TTC29: variants seen among roughly 807,000 people sequenced by gnomAD.
TTC29 encodes the protein tetratricopeptide repeat domain 29.
TTC29 carries 49 observed loss-of-function variants against 58.1 expected under a neutral mutation model. That is an observed-to-expected ratio of 0.84 (90% CI 0.67 to 1.07). TTC29 has a LOEUF of 1.07. TTC29 is among the 50% of genes least tolerant of loss of function. TTC29 has a pLI of 0.00. For synonymous variants in TTC29, 209 were observed against 196.8 expected (o/e 1.06, Z -0.52); for missense variants, 582 against 555.6 (o/e 1.05, Z -0.48).
chr4:146,820,019 A>T, intron 10 of TTC29, 106 bp downstream of exon 10: 2 of 1,459,782 alleles, frequency 1.4e-6, no homozygotes, highest in East Asian at 4.6e-5. Context: ...ATTCTGCATA[A>T]TATATTGTGG....
At chr4:146,906,392 T>C (rs1453133886) in intron 5 of TTC29, among the ~76,000 whole-genome samples, 1 of 152,176 alleles carries the variant, frequency 6.6e-6, no homozygotes, top group African/African-American at 2.4e-5. Flanking sequence ...ACTGTGACCC[T>C]AGAGTGATGG....
intron 9 of TTC29, among the ~76,000 whole-genome samples, chr4:146,826,726 C>T (rs1488566493): frequency 6.6e-6 from 1 of 152,036 alleles, no homozygotes; most frequent in Non-Finnish European, 1.5e-5. Context: ...TTCCATTCTC[C>T]CCCTCTCCTC....
intron 10 of TTC29, among the ~76,000 whole-genome samples, chr4:146,806,332 C>T (rs1235880942): frequency 6.6e-6 from 1 of 152,138 alleles, no homozygotes; most frequent in Non-Finnish European, 1.5e-5. Flanking sequence ...AACTGATGGG[C>T]AAAATAACCA....
At chr4:146,760,408 A>G (rs1387261048) in intron 11 of TTC29, among the ~76,000 whole-genome samples, 1 of 151,932 alleles carries the variant, frequency 6.6e-6, no homozygotes, top group Non-Finnish European at 1.5e-5. Context: ...AAAGACCACC[A>G]TCATTCTTCA....
intron 7 of TTC29, among the ~76,000 whole-genome samples, chr4:146,872,436 A>G (rs188293731): frequency 2.9e-4 from 44 of 152,226 alleles, no homozygotes; most frequent in Non-Finnish European, 1.5e-4. Context: ...GAATACCATC[A>G]GGAAGTGAAA....
intron 3 of TTC29, among the ~76,000 whole-genome samples, chr4:146,939,192 T>A (rs1231085267): frequency 6.6e-6 from 1 of 152,166 alleles, no homozygotes; most frequent in Non-Finnish European, 1.5e-5. Context: ...TGGCGGCTCA[T>A]CCCTACAATC....
intron 11 of TTC29, among the ~76,000 whole-genome samples, chr4:146,710,038 G>A (rs933484674): frequency 6.6e-6 from 1 of 152,084 alleles, no homozygotes; most frequent in Non-Finnish European, 1.5e-5. Context: ...TATCAGTAGA[G>A]AACTATTTAG....
At chr4:146,819,094 T>C (rs1751637083) in intron 10 of TTC29, among the ~76,000 whole-genome samples, 1 of 149,914 alleles carries the variant, frequency 6.7e-6, no homozygotes, top group Admixed American at 6.6e-5. Flanking sequence ...ACCCTAAAAC[T>C]TAAAGTATAA....
chr4:146,818,990 G>A (rs1751631491), intron 10 of TTC29, among the ~76,000 whole-genome samples: 2 of 151,824 alleles, frequency 1.3e-5, no homozygotes, highest in African/African-American at 2.4e-5. Context: ...GCTAAATGAC[G>A]AGTTACCTAA....
rs527454373 is a variant in TTC29, at chr4:146,872,589, G to A, written c.799+2127C>T. Among the ~76,000 whole-genome samples, 14 of 151,746 alleles carry A rather than the reference G, an allele frequency of 9.2e-5. No individual in the cohort carries two copies. In the South Asian group the frequency reaches 1.5e-3, roughly 16 times the overall value. On this transcript the variant is annotated intron_variant, in intron 7 of 12. Coordinates refer to ENST00000325106, the MANE Select transcript of TTC29 (RefSeq NM_031956.4). ...CTGGGCAAAGAATCTGAATAAAAAC[G>A]TCTGCCGAGAAGATATACAAATGGC... is the stretch of plus-strand genomic sequence containing the variant.
chr4:146,798,205 T>C (rs1749959694), intron 11 of TTC29, among the ~76,000 whole-genome samples: 1 of 151,890 alleles, frequency 6.6e-6, no homozygotes, highest in South Asian at 2.1e-4. Flanking sequence ...AAGTAAAGTA[T>C]ATGAAGAGGA....
At chr4:146,845,327 C>T (rs528678072) in intron 8 of TTC29, among the ~76,000 whole-genome samples, 1 of 152,096 alleles carries the variant, frequency 6.6e-6, no homozygotes, top group South Asian at 2.1e-4. Context: ...GAGAAATAGG[C>T]CAGTAGACAC....
chr4:146,902,034 C>T (rs1299039921), intron 6 of TTC29, among the ~76,000 whole-genome samples: 1 of 152,126 alleles, frequency 6.6e-6, no homozygotes, highest in Non-Finnish European at 1.5e-5. Context: ...TAGCTAATTC[C>T]CTTTTCTGGG....
intron 10 of TTC29, among the ~76,000 whole-genome samples, chr4:146,808,059 T>C (rs926018935): frequency 2.0e-5 from 3 of 152,208 alleles, no homozygotes; most frequent in Non-Finnish European, 4.4e-5. Flanking sequence ...ATTGGCTTCA[T>C]TCCTGGGATG....
At chr4:146,890,892 C>A (rs1437303179) in intron 6 of TTC29, among the ~76,000 whole-genome samples, 1 of 152,054 alleles carries the variant, frequency 6.6e-6, no homozygotes. Context: ...CAGAGTTCAG[C>A]TCACATGGTT....
chr4:146,935,364 C>G (rs1294202552), intron 4 of TTC29, among the ~76,000 whole-genome samples: 3 of 152,080 alleles, frequency 2.0e-5, no homozygotes. Context: ...ACAAATATAT[C>G]GATCACCATC....
At chr4:146,900,418 C>A (rs2150265729) in intron 6 of TTC29, among the ~76,000 whole-genome samples, 1 of 152,232 alleles carries the variant, frequency 6.6e-6, no homozygotes, top group East Asian at 1.9e-4. Context: ...GGTGGAGCAT[C>A]TAAACTCAAG....
intron 4 of TTC29, among the ~76,000 whole-genome samples, chr4:146,910,216 A>G (rs1733808421): frequency 6.6e-6 from 1 of 151,728 alleles, no homozygotes; most frequent in South Asian, 2.1e-4. Flanking sequence ...GTTTTGCCTC[A>G]CCTCCCTGGG....
intron 4 of TTC29, among the ~76,000 whole-genome samples, chr4:146,919,673 C>G (rs908713126): frequency 2.0e-5 from 3 of 151,104 alleles, no homozygotes; most frequent in African/African-American, 7.3e-5. Flanking sequence ...AAACATAATT[C>G]TATGATACCC....
Sources: gnomAD v4.1 joint callset for allele counts (sites outside exome capture counted in the v4.1 genomes callset) on GRCh38, gnomAD v4.1.1 for gene constraint, MANE v1.5 for transcripts, NCBI Gene and HGNC (gene_info 2026-07-23, HGNC 2026-07-21) for gene names.